The following PCDHGA8 variants were observed in gnomAD, a reference collection of about 807,000 sequenced individuals.
PCDHGA8 encodes the protein protocadherin gamma subfamily A, 8.
PCDHGA8 carries 45 observed loss-of-function variants against 59.2 expected under a neutral mutation model. The observed-to-expected ratio is 0.76, with a 90% CI of 0.60 to 0.98. The LOEUF is 0.98. Ranked by LOEUF, PCDHGA8 falls within the 50% of genes least tolerant of loss-of-function variation. PCDHGA8 has a pLI of 0.00. For missense variants in PCDHGA8, 1,257 were observed against 1,196.2 expected (o/e 1.05, Z -0.75); for synonymous variants, 531 against 519.0 (o/e 1.02, Z -0.32).
In PCDHGA8 at chr5:141,412,906, T is replaced by C. The variant is rs188124118; in HGVS notation, c.2424+17669T>C. ...ACAGAATAGTTTACTTTCCATTGCA[T>C]GTATCACTTGGGTGCAGTAACTTCT... On this transcript the variant is annotated intron_variant, in intron 1 of 3. Coordinates refer to ENST00000398604, the MANE Select transcript of PCDHGA8 (RefSeq NM_032088.2). 315 of 384,208 alleles carry C rather than the reference T, an allele frequency of 8.2e-4. 2 individuals carry two copies. Among genetic ancestry groups the C allele is most frequent in the African/African-American group, 5.6e-3 (272 of 48,326 alleles). The allele number at this position is 384,208 out of a possible 1,614,324, so 23.8% of individuals were successfully genotyped here. A position where few individuals can be genotyped will look rare whatever the true frequency, so the allele number is the denominator to read the frequency against.
At chr5:141,418,045 G>A (rs754041387) in intron 1 of PCDHGA8, 2 of 1,614,002 alleles carry the variant, frequency 1.2e-6, no homozygotes, top group East Asian at 2.2e-5. Flanking sequence ...TGGATGTGTC[G>A]GCTCGCGAGC....
rs181806844 is a variant in PCDHGA8 at position 141,445,046 on chromosome 5, G to T, written c.2425-49761G>T. Among the ~76,000 whole-genome samples the T allele has an allele frequency of 1.2e-4, 19 of 152,248 alleles. No individual in the cohort carries two copies. The East Asian group carries it at 3.7e-3, about 29-fold the overall frequency. ...TCAGCTATGTTGTATAGTTTTCAGT[G>T]TAGAGAGGTCATGTATATTTCTCAT... On this transcript the variant is annotated intron_variant, in intron 1 of 3. Transcript: ENST00000398604.
At chr5:141,456,504 T>G (rs781368588) in intron 1 of PCDHGA8, among the ~76,000 whole-genome samples, 1 of 152,148 alleles carries the variant, frequency 6.6e-6, no homozygotes, top group Non-Finnish European at 1.5e-5. Context: ...GGTTAACCAA[T>G]TCCATAAAGA....
At chr5:141,434,978 C>G (rs1287204052) in intron 1 of PCDHGA8, among the ~76,000 whole-genome samples, 2 of 151,700 alleles carry the variant, frequency 1.3e-5, no homozygotes, top group Non-Finnish European at 2.9e-5. Flanking sequence ...TTTGTTAATA[C>G]TCTATATCAT....
chr5:141,410,435 G>C (rs772158163), intron 1 of PCDHGA8: 5 of 1,614,054 alleles, frequency 3.1e-6, no homozygotes, highest in Non-Finnish European at 4.2e-6. Flanking sequence ...CAACTACAGT[G>C]AGGGGACTTT....
At chr5:141,426,538 C>T (rs1038881219) in intron 1 of PCDHGA8, 2 of 346,308 alleles carry the variant, frequency 5.8e-6, no homozygotes, top group Non-Finnish European at 1.2e-5. Context: ...TGGGAACATA[C>T]TTGTGAGTGA....
At chr5:141,423,666 A>G in intron 1 of PCDHGA8, 1 of 1,494,380 alleles carries the variant, frequency 6.7e-7, no homozygotes, top group Non-Finnish European at 8.9e-7. Context: ...ATCAGGTGAG[A>G]TTTATTTCTC....
chr5:141,494,962 T>G (rs1644946600), intron 2 of PCDHGA8, 97 bp downstream of exon 2: 4 of 1,596,756 alleles, frequency 2.5e-6, no homozygotes, highest in Non-Finnish European at 3.4e-6. Context: ...TTGCTACAGA[T>G]GGCTTCTCCC....
At chr5:141,401,813 T>C (rs2094195030) in intron 1 of PCDHGA8, among the ~76,000 whole-genome samples, 1 of 152,208 alleles carries the variant, frequency 6.6e-6, no homozygotes, top group Non-Finnish European at 1.5e-5. Context: ...ATGGGTTCCT[T>C]ACAAAGTGCT....
intron 1 of PCDHGA8, among the ~76,000 whole-genome samples, chr5:141,445,429 C>G (rs974775529): frequency 2.6e-5 from 4 of 152,200 alleles, no homozygotes; most frequent in Non-Finnish European, 5.9e-5. Flanking sequence ...ATGCAAGGCA[C>G]TGACCTATGG....
chr5:141,476,225 A>G lies in PCDHGA8; in HGVS notation c.2425-18582A>G, dbSNP rs1414835001. ...GGCTTCCACGGTCATTCACTATGAG[A>G]TCCCGGAGGAAAGAGAGAAGGGTTT... On this transcript the variant is annotated intron_variant, in intron 1 of 3. Transcript: ENST00000398604. This position sits in a 1 kb window ranked among gnomAD's most constrained non-coding sequence, Gnocchi z 7.6. 3 of 1,613,882 alleles carry G rather than the reference A, an allele frequency of 1.9e-6. No homozygotes were observed. The highest frequency in any genetic ancestry group is 2.5e-6 in the Non-Finnish European group (3 of 1,180,012).
intron 1 of PCDHGA8, among the ~76,000 whole-genome samples, chr5:141,475,299 T>C (rs1227132122): frequency 6.6e-6 from 1 of 152,204 alleles, no homozygotes; most frequent in Non-Finnish European, 1.5e-5. Context: ...AAATTTCTTA[T>C]TGCTCCCTGG....
chr5:141,431,799 T>A lies in PCDHGA8; in HGVS notation c.2424+36562T>A. 6.2e-7 allele frequency: 1 copy of A among 1,614,228 alleles called. No homozygotes were observed. The highest frequency in any genetic ancestry group is 8.5e-7 in the Non-Finnish European group (1 of 1,180,036). On this transcript the variant is annotated intron_variant, in intron 1 of 3. Transcript: ENST00000398604. This position sits in a 1 kb window ranked among gnomAD's most constrained non-coding sequence, Gnocchi z 4.8. ...GACGTGAACGACAATGCCCCAGAAG[T>A]GGTCCTCACCTCTCTCGCCAGCTCG...
chr5:141,399,314 A>C (rs1309292354), intron 1 of PCDHGA8: 9 of 1,613,988 alleles, frequency 5.6e-6, no homozygotes, highest in Non-Finnish European at 1.7e-6. Context: ...TCATCCAAAA[A>C]TTCGTATAAG....
chr5:141,439,796 G>A (rs980000701), intron 1 of PCDHGA8: 1 of 152,318 alleles, frequency 6.6e-6, no homozygotes. Flanking sequence ...AATCCAAGAA[G>A]AGTTTGAAAA....
intron 3 of PCDHGA8, among the ~76,000 whole-genome samples, chr5:141,506,298 A>C (rs887906455): frequency 6.6e-6 from 1 of 151,936 alleles, no homozygotes; most frequent in Non-Finnish European, 1.5e-5. Context: ...AAAATACAAA[A>C]ATTAGCTGGG....
chr5:141,462,009 G>A (rs2099028674), intron 1 of PCDHGA8, among the ~76,000 whole-genome samples: 1 of 152,190 alleles, frequency 6.6e-6, no homozygotes, highest in Admixed American at 6.5e-5. Context: ...TTTTAATAGA[G>A]ACGGGGTTTC....
At chr5:141,423,463 G>T (rs772779471) in intron 1 of PCDHGA8, 22 of 1,613,992 alleles carry the variant, frequency 1.4e-5, no homozygotes, top group Non-Finnish European at 1.8e-5. Context: ...AGGCGTGGAC[G>T]GGGTACAGGC....
At chr5:141,475,983 C>T in intron 1 of PCDHGA8, 2 of 1,049,240 alleles carry the variant, frequency 1.9e-6, no homozygotes, top group Non-Finnish European at 2.8e-6. Context: ...GAACAGCCGG[C>T]GAGCAAATCA....
Sources: allele counts gnomAD v4.1 joint callset (sites outside exome capture counted in the v4.1 genomes callset), GRCh38; gene constraint gnomAD v4.1.1; non-coding constraint Gnocchi (gnomAD v3.1); transcripts MANE v1.5; gene names NCBI Gene and HGNC (gene_info 2026-07-23, HGNC 2026-07-21).